DACH1: variants seen among roughly 807,000 people sequenced by gnomAD.
DACH1 encodes dachshund family transcription factor 1.
DACH1 carries 12 observed loss-of-function variants against 54.2 expected under a neutral mutation model. The observed-to-expected ratio is 0.22, with a 90% CI of 0.14 to 0.36. The LOEUF (loss-of-function observed/expected upper bound fraction) is 0.36, where lower values mean the gene tolerates loss of function less well. DACH1 is among the 10% of genes least tolerant of loss of function. The pLI is 1.00. For synonymous variants in DACH1, 386 were observed against 366.2 expected (o/e 1.05, Z -0.62); for missense variants, 805 against 929.8 (o/e 0.87, Z 1.75).
At chr13:71,782,308 G>A (rs2138069661) in intron 1 of DACH1, among the ~76,000 whole-genome samples, 1 of 152,208 alleles carries the variant, frequency 6.6e-6, no homozygotes, top group East Asian at 1.9e-4. Flanking sequence ...TGGGCATGGT[G>A]ATGCATGCCT....
Position 71,784,706 on chromosome 13 carries a change from G to T in DACH1, c.848+81216C>A, listed in dbSNP as rs148504915. 7.0e-3 allele frequency among the ~76,000 whole-genome samples: 1,071 copies of T among 152,156 alleles called. 2 individuals carry two copies. Among genetic ancestry groups the T allele is most frequent in the Non-Finnish European group, 0.011 (747 of 67,970 alleles). On this transcript the variant is annotated intron_variant, in intron 1 of 10. Transcript: ENST00000613252. ...CAGACATGCTCATTAGCCAAGAAAAGTTTTGTCATTATGAAGTACTAGAAA... is the reference window on the plus strand; with the variant it reads ...CAGACATGCTCATTAGCCAAGAAAATTTTTGTCATTATGAAGTACTAGAAA...
chr13:71,609,221 G>GA lies in DACH1; in HGVS notation c.1126+21334dup, dbSNP rs200921824. Among the ~76,000 whole-genome samples, 1,413 of 151,066 alleles carry GA rather than the reference G, an allele frequency of 9.4e-3. 26 individuals carry two copies. The highest frequency in any genetic ancestry group is 0.031 in the African/African-American group (1,289 of 41,210). On this transcript the variant is annotated intron_variant, in intron 3 of 10. Transcript: ENST00000613252. ...CTATGGAGACTAAAAAATATACATAGAAAAAAAAATCCACATCATCCATAT... is the reference window on the plus strand; with the variant it reads ...CTATGGAGACTAAAAAATATACATAGAAAAAAAAAATCCACATCATCCATAT...
chr13:71,661,199 AT>A (rs1879463145), intron 2 of DACH1, among the ~76,000 whole-genome samples: 1 of 151,322 alleles, frequency 6.6e-6, no homozygotes, highest in Non-Finnish European at 1.5e-5. Context: ...AACAATTTTA[AT>A]TTTGTTACAT....
chr13:71,679,756 G>A (rs748566799), intron 2 of DACH1, among the ~76,000 whole-genome samples: 47 of 151,870 alleles, frequency 3.1e-4, no homozygotes, highest in South Asian at 8.3e-4. Context: ...AGGCCGAGGC[G>A]GATGGATCAT....
rs542398869 is a variant in DACH1, at chr13:71,503,500, G to C, written c.1571-14352C>G. On this transcript the variant is annotated intron_variant, in intron 6 of 10. Transcript: ENST00000613252. ...TATAATAAAAACTGCTTTTGTTTGA[G>C]TTGCCTTTTTAGAAATGTGAATTTA... 3.9e-5 allele frequency among the ~76,000 whole-genome samples: 6 copies of C among 152,288 alleles called. No homozygotes were observed. In the East Asian group the frequency reaches 9.6e-4, roughly 24 times the overall value.
chr13:71,686,513 T>A (rs2138712586), intron 1 of DACH1, among the ~76,000 whole-genome samples: 1 of 152,310 alleles, frequency 6.6e-6, no homozygotes, highest in South Asian at 2.1e-4. Context: ...ATTTATTGTT[T>A]TTATTTAAGG....
intron 1 of DACH1, among the ~76,000 whole-genome samples, chr13:71,812,169 A>G (rs1425393770): frequency 6.6e-6 from 1 of 152,212 alleles, no homozygotes; most frequent in Non-Finnish European, 1.5e-5. Context: ...GTTTAAATAC[A>G]GAGCATAAAG....
At chr13:71,467,338 G>A (rs1009746032) in intron 10 of DACH1, among the ~76,000 whole-genome samples, 1 of 127,212 alleles carries the variant, frequency 7.9e-6, no homozygotes, top group Non-Finnish European at 1.6e-5. Context: ...ATCACACTCT[G>A]GGGACTGTTG....
intron 6 of DACH1, among the ~76,000 whole-genome samples, chr13:71,500,261 T>C (rs1879799555): frequency 6.6e-6 from 1 of 152,082 alleles, no homozygotes; most frequent in African/African-American, 2.4e-5. Context: ...ATCCAAGGCC[T>C]TTTCAAAGTT....
At chr13:71,552,273 G>A (rs1883865367) in intron 6 of DACH1, among the ~76,000 whole-genome samples, 1 of 151,822 alleles carries the variant, frequency 6.6e-6, no homozygotes, top group African/African-American at 2.4e-5. Context: ...ACATCACATT[G>A]GACTACTTAA....
At position 71,572,931 on chromosome 13, in the gene DACH1, C is replaced by T; in HGVS notation, c.1208G>A (p.Ser403Asn). The T allele has an allele frequency of 6.2e-7, 1 of 1,614,088 alleles. No individual in the cohort carries two copies. The highest frequency in any genetic ancestry group is 8.5e-7 in the Non-Finnish European group (1 of 1,179,992). ...LPPASVTMAM[S>N]QMNHLSTIAN... ...AATGGTGCTGAGGTGGTTCATCTGG[C>T]TCATTGCCATGGTGACAGATGCTGG... The change falls in exon 4 of 11, where the codon AGC (serine) becomes AAC (asparagine). Residue 403 changes from serine to asparagine, a missense_variant. Coordinates refer to ENST00000613252, the MANE Select transcript of DACH1 (RefSeq NM_080759.6).
At chr13:71,659,815 C>T (rs1447616929) in intron 2 of DACH1, among the ~76,000 whole-genome samples, 1 of 152,044 alleles carries the variant, frequency 6.6e-6, no homozygotes, top group African/African-American at 2.4e-5. Flanking sequence ...TTAATTTGAA[C>T]CTCTTCCCTT....
chr13:71,654,450 AAAAT>A (rs1423387555), intron 2 of DACH1, among the ~76,000 whole-genome samples: 2 of 133,130 alleles, frequency 1.5e-5, no homozygotes, highest in African/African-American at 2.8e-5. Flanking sequence ...AAAATAAAAT[AAAAT>A]AAAGTAAAAT....
rs984798293 is a variant in DACH1 at position 71,614,802 on chromosome 13, C to T, written c.1126+15754G>A. Among the ~76,000 whole-genome samples the T allele has an allele frequency of 7.6e-5, 11 of 145,614 alleles. No individual in the cohort carries two copies. The East Asian group carries it at 1.7e-3, about 22-fold the overall frequency. ...TCAGCAGGTCAAAGTTGCAGTGAGC[C>T]GTGATTGCACCATTGCACCCCAGCC... On this transcript the variant is annotated intron_variant, in intron 3 of 10. Coordinates refer to ENST00000613252, the MANE Select transcript of DACH1 (RefSeq NM_080759.6).
At chr13:71,750,153 C>T (rs1363334081) in intron 1 of DACH1, among the ~76,000 whole-genome samples, 2 of 152,150 alleles carry the variant, frequency 1.3e-5, no homozygotes, top group Non-Finnish European at 2.9e-5. Flanking sequence ...CCTGCTTCTC[C>T]TCCCCACTCC....
chr13:71,573,152 C>T (rs769913196), intron 3 of DACH1, 140 bp from the exon 4 acceptor site: 69 of 762,408 alleles, frequency 9.1e-5, no homozygotes, highest in Non-Finnish European at 1.3e-4. Flanking sequence ...ACTTACTACT[C>T]AGGGAAACCA....
chr13:71,642,710 C>T (rs1877997428), intron 2 of DACH1, among the ~76,000 whole-genome samples: 1 of 151,986 alleles, frequency 6.6e-6, no homozygotes, highest in Non-Finnish European at 1.5e-5. Flanking sequence ...ACTGAACTCC[C>T]ATGGATTGGT....
chr13:71,861,157 C>G (rs1229472968), intron 1 of DACH1, among the ~76,000 whole-genome samples: 3 of 151,502 alleles, frequency 2.0e-5, no homozygotes, highest in African/African-American at 7.3e-5. Flanking sequence ...CAGATTTGGA[C>G]TAAAAAAATG....
intron 7 of DACH1, among the ~76,000 whole-genome samples, chr13:71,482,128 AT>A (rs1273584858): frequency 6.6e-6 from 1 of 152,010 alleles, no homozygotes; most frequent in Non-Finnish European, 1.5e-5. Context: ...TTGACCCCAA[AT>A]TTTTTTTCTG....
Sources: allele counts gnomAD v4.1 joint callset (sites outside exome capture counted in the v4.1 genomes callset), GRCh38; gene constraint gnomAD v4.1.1; transcripts MANE v1.5; gene names NCBI Gene and HGNC (gene_info 2026-07-23, HGNC 2026-07-21).